The following AGAP3 variants were observed in gnomAD, a reference collection of about 807,000 sequenced individuals.
AGAP3 encodes the protein arf-GAP with GTPase, ANK repeat and PH domain-containing protein 3.
AGAP3 carries 24 observed loss-of-function variants against 96.9 expected under a neutral mutation model. That is an observed-to-expected ratio of 0.25 (90% confidence interval 0.18 to 0.35). AGAP3 has a LOEUF of 0.35. Among genes scored for constraint, AGAP3 ranks in the 10% least tolerant of loss-of-function variants. The pLI, the probability that AGAP3 is intolerant of heterozygous loss-of-function variation, is 1.00. For missense variants in AGAP3, 876 were observed against 1,254.2 expected, an observed-to-expected ratio of 0.70 and a Z score of 4.55; for synonymous variants, 563 against 536.1, an observed-to-expected ratio of 1.05 and a Z score of -0.69.
chr7:151,097,788 C>T (rs1000991733), intron 1 of AGAP3, among the ~76,000 whole-genome samples: 1 of 152,162 alleles, frequency 6.6e-6, no homozygotes, highest in Non-Finnish European at 1.5e-5. Flanking sequence ...CAGGCCCCAC[C>T]TCTAACACTG....
Position 151,139,947 on chromosome 7 carries a change from T to C in AGAP3, c.1667-32T>C. On this transcript the variant is annotated intron_variant, in intron 12 of 17. Transcript: ENST00000397238. This position sits in a 1 kb window ranked among gnomAD's most constrained non-coding sequence, Gnocchi z 4.9. ...CCCCTCCCCTCCTCTGCCTCCCTTC[T>C]TCCCACACTTCTCCAACTCTCCCCT... The C allele has an allele frequency of 6.7e-7, 1 of 1,488,702 alleles. No individual in the cohort carries two copies. The highest frequency in any genetic ancestry group is 1.3e-5 in the South Asian group (1 of 74,450). 92.2% of individuals were successfully genotyped at this position (1,488,702 alleles called of 1,614,324 possible).
At position 151,118,874 on chromosome 7, in the gene AGAP3, C is replaced by T. The variant is rs1163526552; in HGVS notation, c.969+242C>T. Among the ~76,000 whole-genome samples the T allele has an allele frequency of 6.6e-6, 1 of 152,208 alleles. No individual in the cohort carries two copies. The highest frequency in any genetic ancestry group is 1.5e-5 in the Non-Finnish European group (1 of 68,042). On this transcript the variant is annotated intron_variant, in intron 7 of 17. Coordinates refer to ENST00000397238, the MANE Select transcript of AGAP3 (RefSeq NM_031946.7). This position sits in a 1 kb window ranked among gnomAD's most constrained non-coding sequence, Gnocchi z 6.1. ...GCAATCCCCACTTCTCTCTGCTCTC[C>T]ACCATTCCACAGCCTGCATTCCCTA...
chr7:151,120,232 G>A (rs1164352653), intron 8 of AGAP3, 87 bp downstream of exon 8: 36 of 1,401,326 alleles, frequency 2.6e-5, no homozygotes, highest in Non-Finnish European at 3.3e-5. Flanking sequence ...AGGGGCGTGG[G>A]CAGCCCCAAG....
At chr7:151,109,869 A>G (rs1227178040) in intron 1 of AGAP3, among the ~76,000 whole-genome samples, 1 of 152,180 alleles carries the variant, frequency 6.6e-6, no homozygotes, top group Non-Finnish European at 1.5e-5. Context: ...CTTGCGCAAT[A>G]GGAGCAGCTC....
At chr7:151,126,412 A>AAGGCTGGGAG (rs1208198862) in intron 9 of AGAP3, among the ~76,000 whole-genome samples, 133 of 65,044 alleles carry the variant, frequency 2.0e-3, no homozygotes, top group African/African-American at 8.0e-3. Context: ...TCTCCTGCTG[A>AAGGCTGGGAG]AGGCTGGGAG....
In AGAP3 at chr7:151,120,606, C is replaced by T. The variant is rs777146205; in HGVS notation, c.1128+461C>T. On this transcript the variant is annotated intron_variant, in intron 8 of 17. Coordinates refer to ENST00000397238, the MANE Select transcript of AGAP3 (RefSeq NM_031946.7). ...GCTAGAGTCAGAGCCCAGGCCTCCC[C>T]GTCGCCTTCCGGCTCTTTTTCCGTT... The T allele has an allele frequency of 1.8e-4, 232 of 1,293,294 alleles. 1 individual carries two copies. The highest frequency in any genetic ancestry group is 2.2e-4 in the Non-Finnish European group (217 of 990,774). 80.1% of individuals were successfully genotyped at this position (1,293,294 alleles called of 1,614,324 possible).
At chr7:151,125,191 G>A (rs1283373659) in intron 9 of AGAP3, among the ~76,000 whole-genome samples, 2 of 152,226 alleles carry the variant, frequency 1.3e-5, no homozygotes, top group Non-Finnish European at 2.9e-5. Context: ...GAGATGGGGA[G>A]TGCAAGGGAA....
chr7:151,125,782 G>T (rs956434584), intron 9 of AGAP3, among the ~76,000 whole-genome samples: 1 of 152,244 alleles, frequency 6.6e-6, no homozygotes, highest in Non-Finnish European at 1.5e-5. Flanking sequence ...TTGCATTTCA[G>T]TTGCCATTTG....
chr7:151,114,206 G>A lies in AGAP3; in HGVS notation c.332-2587G>A, dbSNP rs1447232371. 2.0e-5 allele frequency among the ~76,000 whole-genome samples: 3 copies of A among 152,246 alleles called. No homozygotes were observed. Among genetic ancestry groups the A allele is most frequent in the Admixed American group, 1.3e-4 (2 of 15,284 alleles). On this transcript the variant is annotated intron_variant, in intron 1 of 17. Transcript: ENST00000397238. The surrounding 1 kb of genome is among the most constrained non-coding windows in gnomAD (Gnocchi z 4.4). ...GAATGTCAGAGCCGAAACTAAGACAGGACCACCTCGTTGAAGCTCGCGTGC... is the reference window on the plus strand; with the variant it reads ...GAATGTCAGAGCCGAAACTAAGACAAGACCACCTCGTTGAAGCTCGCGTGC...
intron 8 of AGAP3, chr7:151,122,772 A>G: frequency 1.2e-6 from 2 of 1,613,146 alleles, no homozygotes; most frequent in Non-Finnish European, 1.7e-6. Flanking sequence ...GGCCTTTCCA[A>G]CTCCTTCCAA....
At chr7:151,121,949 C>T (rs556097745) in intron 8 of AGAP3, among the ~76,000 whole-genome samples, 67 of 152,304 alleles carry the variant, frequency 4.4e-4, no homozygotes, top group African/African-American at 1.6e-3. Flanking sequence ...GGCTAGTGAC[C>T]CCCTACTGGA....
chr7:151,143,614 A>G lies in AGAP3; in HGVS notation c.2529+18A>G. On this transcript the variant is annotated intron_variant, in intron 17 of 17. Coordinates refer to ENST00000397238, the MANE Select transcript of AGAP3 (RefSeq NM_031946.7). The surrounding 1 kb of genome is among the most constrained non-coding windows in gnomAD (Gnocchi z 5.9). ...TCATCTGGGTGAGTCACGTGCCTCT[A>G]GCCTGCCCTGACCTCGCTCTTCTTA... The G allele has an allele frequency of 3.8e-6, 6 of 1,597,278 alleles. No homozygotes were observed. The highest frequency in any genetic ancestry group is 5.1e-6 in the Non-Finnish European group (6 of 1,169,712).
rs199902776 is a variant in AGAP3 at position 151,122,504 on chromosome 7, CCCG to C, written c.1129-1275_1129-1273del. On this transcript the variant is annotated intron_variant, in intron 8 of 17. Coordinates refer to ENST00000397238, the MANE Select transcript of AGAP3 (RefSeq NM_031946.7). ...GTCTGCCCAGCAGGTGCCGCTGCCGCCCGCCGCCGCCGCCGCCTCCTCCTCCTC... is the reference window on the plus strand; with the variant it reads ...GTCTGCCCAGCAGGTGCCGCTGCCGCCCGCCGCCGCCGCCTCCTCCTCCTC... 4.2e-4 allele frequency among the ~76,000 whole-genome samples: 64 copies of C among 151,460 alleles called. 1 individual carries two copies. The highest frequency in any genetic ancestry group is 3.7e-3 in the South Asian group (18 of 4,812).
In AGAP3 at chr7:151,118,865, T is replaced by C. The variant is rs1354321904; in HGVS notation, c.969+233T>C. Among the ~76,000 whole-genome samples the C allele has an allele frequency of 6.6e-6, 1 of 152,162 alleles. No individual in the cohort carries two copies. Among genetic ancestry groups the C allele is most frequent in the Non-Finnish European group, 1.5e-5 (1 of 68,030 alleles). Reference sequence around the variant, plus strand: ...CTTCCCGCTGCAATCCCCACTTCTCTCTGCTCTCCACCATTCCACAGCCTG... The same window carrying C: ...CTTCCCGCTGCAATCCCCACTTCTCCCTGCTCTCCACCATTCCACAGCCTG... On this transcript the variant is annotated intron_variant, in intron 7 of 17. Transcript: ENST00000397238. This position sits in a 1 kb window ranked among gnomAD's most constrained non-coding sequence, Gnocchi z 6.1.
rs974044214 is a variant in AGAP3 at position 151,108,560 on chromosome 7, G to A, written c.332-8233G>A. On this transcript the variant is annotated intron_variant, in intron 1 of 17. Coordinates refer to ENST00000397238, the MANE Select transcript of AGAP3 (RefSeq NM_031946.7). The surrounding 1 kb of genome is among the most constrained non-coding windows in gnomAD (Gnocchi z 4.2). ...CCTCTGGAGATGGGGCAGAATCCCC[G>A]GGCCTCAGAGCAGCCTTCGGAGGGT... 2.6e-5 allele frequency among the ~76,000 whole-genome samples: 4 copies of A among 152,224 alleles called. No individual in the cohort carries two copies. The highest frequency in any genetic ancestry group is 4.4e-5 in the Non-Finnish European group (3 of 68,046).
chr7:151,129,253 G>A (rs371464795), intron 10 of AGAP3, among the ~76,000 whole-genome samples: 5 of 151,838 alleles, frequency 3.3e-5, no homozygotes, highest in African/African-American at 1.2e-4. Context: ...GCACACAGCT[G>A]TCACCGGAAT....
chr7:151,118,504 G>A lies in AGAP3; in HGVS notation c.842-1G>A. The stretch of plus-strand genomic sequence containing the variant: ...ATAATTGACTCTGCTGTCCCCTGCA[G>A]TGGCCCAGAAGGTAGTGGCCTTGCG... On this transcript the variant is annotated splice_acceptor_variant, in intron 6 of 17. Coordinates refer to ENST00000397238, the MANE Select transcript of AGAP3 (RefSeq NM_031946.7). LOFTEE classifies it high-confidence loss of function. This position sits in a 1 kb window ranked among gnomAD's most constrained non-coding sequence, Gnocchi z 6.1. The A allele has an allele frequency of 6.2e-7, 1 of 1,614,202 alleles. No individual in the cohort carries two copies. Among genetic ancestry groups the A allele is most frequent in the Non-Finnish European group, 8.5e-7 (1 of 1,180,034 alleles).
chr7:151,105,785 C>A (rs1340897119), intron 1 of AGAP3, among the ~76,000 whole-genome samples: 2 of 55,294 alleles, frequency 3.6e-5, no homozygotes, highest in Non-Finnish European at 7.2e-5. Flanking sequence ...CGCCCCCCCC[C>A]CCGACACCAC....
At position 151,110,434 on chromosome 7, in the gene AGAP3, G is replaced by A. The variant is rs543996635; in HGVS notation, c.332-6359G>A. On this transcript the variant is annotated intron_variant, in intron 1 of 17. Transcript: ENST00000397238. ...AGGGCAGAGGCCCGGGAGGTGTCAA[G>A]GCTGGATGGGGATGGAGGCGGGTCC... Among the ~76,000 whole-genome samples the A allele has an allele frequency of 2.0e-5, 3 of 152,286 alleles. No homozygotes were observed. In the South Asian group the frequency reaches 6.2e-4, roughly 32 times the overall value.
Sources: allele counts gnomAD v4.1 joint callset (sites outside exome capture counted in the v4.1 genomes callset), GRCh38; gene constraint gnomAD v4.1.1; non-coding constraint Gnocchi (gnomAD v3.1); transcripts MANE v1.5; gene names NCBI Gene and HGNC (gene_info 2026-07-23, HGNC 2026-07-21).